Variants in MYO10 observed in about 807,000 individuals in gnomAD.
MYO10 encodes the protein unconventional myosin-X.
Under a neutral mutation model 257.3 loss-of-function variants are expected in MYO10, and 133 were observed. The ratio of observed to expected loss-of-function variants is 0.52; its 90% CI spans 0.45 to 0.60. The LOEUF (loss-of-function observed/expected upper bound fraction) is 0.60, where lower values mean the gene tolerates loss of function less well. Ranked by LOEUF, MYO10 falls within the 20% of genes least tolerant of loss-of-function variation. MYO10 has a pLI of 0.00. For missense variants in MYO10, 2,399 were observed against 2,635.7 expected (o/e 0.91, Z 1.97); for synonymous variants, 1,104 against 1,028.6 (o/e 1.07, Z -1.40).
At chr5:16,854,000 G>A (rs142533101) in intron 2 of MYO10, 3 of 152,076 alleles carry the variant, frequency 2.0e-5, no homozygotes, top group Admixed American at 6.5e-5. Context: ...AAGAGTCTAC[G>A]GCCTTACTAT....
intron 2 of MYO10, among the ~76,000 whole-genome samples, chr5:16,852,422 T>G (rs546801723): frequency 1.3e-5 from 2 of 152,224 alleles, no homozygotes; most frequent in Admixed American, 1.3e-4. Flanking sequence ...GTTTTTATCC[T>G]AAATGCATTC....
intron 1 of MYO10, among the ~76,000 whole-genome samples, chr5:16,915,492 C>A (rs1007809559): frequency 3.3e-5 from 5 of 152,182 alleles, no homozygotes; most frequent in African/African-American, 4.8e-5. Flanking sequence ...CCTCCGCATC[C>A]CCCTCCACAG....
At chr5:16,719,989 CGTGTGTGTGTGT>C (rs10526050) in intron 19 of MYO10, among the ~76,000 whole-genome samples, 2,942 of 143,546 alleles carry the variant, frequency 0.02, 97 homozygotes, top group African/African-American at 0.071. Flanking sequence ...TGTGTGCGTG[CGTGTGTGTGTGT>C]GTGTGTGTGT....
At chr5:16,818,354 G>GTGTA (rs1281090547) in intron 2 of MYO10, among the ~76,000 whole-genome samples, 187 bp from the exon 3 acceptor site, 1 of 135,476 alleles carries the variant, frequency 7.4e-6, no homozygotes. Flanking sequence ...CTCTCTGTGT[G>GTGTA]TGTATGTATG....
At chr5:16,902,049 A>G (rs1174761372) in intron 1 of MYO10, among the ~76,000 whole-genome samples, 6 of 151,660 alleles carry the variant, frequency 4.0e-5, no homozygotes, top group Admixed American at 3.9e-4. Context: ...TATTTTCTTT[A>G]TTTTTTATTT....
At position 16,924,892 on chromosome 5, in the gene MYO10, A is replaced by G. The variant is rs1176423754; in HGVS notation, c.21+10896T>C. On this transcript the variant is annotated intron_variant, in intron 1 of 40. Coordinates refer to ENST00000513610, the MANE Select transcript of MYO10 (RefSeq NM_012334.3). Reference sequence around the variant, plus strand: ...GTCACCCAGGCTGGAGTGCAGTGGCACGATCTCTGCTCACTGCAAGCTCCG... The same window carrying G: ...GTCACCCAGGCTGGAGTGCAGTGGCGCGATCTCTGCTCACTGCAAGCTCCG... 2.9e-5 allele frequency among the ~76,000 whole-genome samples: 4 copies of G among 139,844 alleles called. No individual in the cohort carries two copies. The East Asian group carries it at 8.6e-4, about 30-fold the overall frequency. 91.7% of individuals were successfully genotyped at this position (139,844 alleles called of 152,430 possible).
chr5:16,812,934 T>TTA (rs1560997617), intron 3 of MYO10, among the ~76,000 whole-genome samples: 9 of 141,696 alleles, frequency 6.4e-5, no homozygotes, highest in Non-Finnish European at 1.1e-4. Flanking sequence ...TTATTTTTTT[T>TTA]TTTTTTTTAT....
intron 1 of MYO10, among the ~76,000 whole-genome samples, chr5:16,920,037 G>C (rs1192595695): frequency 6.6e-6 from 1 of 152,210 alleles, no homozygotes; most frequent in Non-Finnish European, 1.5e-5. Context: ...CTTGAACCCA[G>C]GAGGCGGAGA....
At chr5:16,893,542 G>C (rs1346938853) in intron 1 of MYO10, among the ~76,000 whole-genome samples, 2 of 150,424 alleles carry the variant, frequency 1.3e-5, no homozygotes, top group African/African-American at 4.9e-5. Flanking sequence ...GCTGAGGTGG[G>C]AGAATCGCTT....
At chr5:16,777,195 C>T (rs1209786971) in intron 9 of MYO10, among the ~76,000 whole-genome samples, 4 of 152,152 alleles carry the variant, frequency 2.6e-5, no homozygotes, top group Admixed American at 6.5e-5. Context: ...CCCACACCTC[C>T]GCAGGCAGAT....
rs193146223 is a variant in MYO10 at position 16,886,596 on chromosome 5, T to C, written c.22-8889A>G. On this transcript the variant is annotated intron_variant, in intron 1 of 40. Coordinates refer to ENST00000513610, the MANE Select transcript of MYO10 (RefSeq NM_012334.3). ...GCTTTCAGCTACATCATCATCGTCA[T>C]CATCATTTCTCAAGCTTGCCTATGG... is the stretch of plus-strand genomic sequence containing the variant. Among the ~76,000 whole-genome samples, 423 of 150,432 alleles carry C rather than the reference T, an allele frequency of 2.8e-3. 1 individual carries two copies. The highest frequency in any genetic ancestry group is 9.8e-3 in the African/African-American group (407 of 41,434).
intron 1 of MYO10, among the ~76,000 whole-genome samples, chr5:16,929,711 T>C (rs1240215208): frequency 6.6e-6 from 1 of 152,188 alleles, no homozygotes; most frequent in Non-Finnish European, 1.5e-5. Context: ...TATGTATCTA[T>C]AGGGAACTGG....
chr5:16,838,000 G>GA lies in MYO10; in HGVS notation c.121-19834dup, dbSNP rs565926868. On this transcript the variant is annotated intron_variant, in intron 2 of 40. Transcript: ENST00000513610. ...ACAAACCACACCCATACAAGACAGTGAACCTAATGTGTGTTCTGACTGCTC... is the reference window on the plus strand; with the variant it reads ...ACAAACCACACCCATACAAGACAGTGAAACCTAATGTGTGTTCTGACTGCTC... Among the ~76,000 whole-genome samples, 645 of 152,260 alleles carry GA rather than the reference G, an allele frequency of 4.2e-3. 2 individuals are homozygous for GA. The highest frequency in any genetic ancestry group is 7.6e-3 in the Non-Finnish European group (518 of 68,020).
At chr5:16,881,245 A>T (rs1265310925) in intron 1 of MYO10, among the ~76,000 whole-genome samples, 1 of 152,236 alleles carries the variant, frequency 6.6e-6, no homozygotes, top group Non-Finnish European at 1.5e-5. Context: ...TTATCAAATT[A>T]ATATAAACTG....
intron 19 of MYO10, among the ~76,000 whole-genome samples, chr5:16,747,498 T>C (rs544590579): frequency 6.0e-4 from 91 of 152,338 alleles, no homozygotes; most frequent in Middle Eastern, 3.4e-3. Flanking sequence ...GTGCAAAGGC[T>C]GAGACAGGCC....
chr5:16,805,618 A>G (rs1053754042), intron 3 of MYO10, among the ~76,000 whole-genome samples: 7 of 152,240 alleles, frequency 4.6e-5, no homozygotes, highest in African/African-American at 1.7e-4. Context: ...GACTGTGGAC[A>G]CATGCAGCTC....
chr5:16,773,620 C>T (rs1741120845), intron 9 of MYO10, among the ~76,000 whole-genome samples: 1 of 150,414 alleles, frequency 6.6e-6, no homozygotes, highest in South Asian at 2.1e-4. Flanking sequence ...CATTATCACA[C>T]CACTGTGCTC....
chr5:16,717,069 T>G (rs1738905100), intron 19 of MYO10, among the ~76,000 whole-genome samples: 1 of 152,172 alleles, frequency 6.6e-6, no homozygotes, highest in Non-Finnish European at 1.5e-5. Context: ...ACTCCTGACC[T>G]CAGGTGATCC....
At chr5:16,908,102 A>G (rs1356726800) in intron 1 of MYO10, among the ~76,000 whole-genome samples, 1 of 152,168 alleles carries the variant, frequency 6.6e-6, no homozygotes, top group African/African-American at 2.4e-5. Context: ...GTGTGGTGGC[A>G]TATGCCTCTA....
Sources: gnomAD v4.1 joint callset for allele counts (sites outside exome capture counted in the v4.1 genomes callset) on GRCh38, gnomAD v4.1.1 for gene constraint, MANE v1.5 for transcripts, NCBI Gene and HGNC (gene_info 2026-07-23, HGNC 2026-07-21) for gene names.